TSBP1: variants seen among roughly 807,000 people sequenced by gnomAD.
The protein encoded by TSBP1 is testis-expressed basic protein 1.
A neutral mutation model predicts 68.8 loss-of-function variants in TSBP1; 56 were observed. The observed-to-expected ratio is 0.81, with a 90% CI of 0.66 to 1.02. The LOEUF (loss-of-function observed/expected upper bound fraction) is 1.02, where lower values mean the gene tolerates loss of function less well. Ranked by LOEUF, TSBP1 falls within the 50% of genes least tolerant of loss-of-function variation. The probability of loss-of-function intolerance (pLI) is 0.00; values close to 1 mark genes in which losing one functional copy is unlikely to be tolerated. For synonymous variants in TSBP1, 171 were observed against 208.7 expected (o/e 0.82, Z 1.56); for missense variants, 502 against 641.2 (o/e 0.78, Z 2.34).
chr6:32,341,441 A>AAGGG (rs1290316472), intron 9 of TSBP1, among the ~76,000 whole-genome samples: 1 of 152,190 alleles, frequency 6.6e-6, no homozygotes, highest in Non-Finnish European at 1.5e-5. Context: ...TGCTAGTTAT[A>AAGGG]AGGGATAGAG....
At chr6:32,318,584 C>T (rs192997918) in intron 18 of TSBP1, among the ~76,000 whole-genome samples, 11 of 152,268 alleles carry the variant, frequency 7.2e-5, no homozygotes, top group African/African-American at 2.4e-4. Flanking sequence ...TGAAGTACTG[C>T]TGCATATTAC....
Position 32,322,401 on chromosome 6 carries a change from T to C in TSBP1, c.559+716A>G, listed in dbSNP as rs1455810819. The C allele has an allele frequency of 1.6e-4, 159 of 970,228 alleles. 2 individuals carry two copies. In the South Asian group the frequency reaches 2.3e-3, roughly 14 times the overall value. The allele number at this position is 970,228 out of a possible 1,614,324, so 60.1% of individuals were successfully genotyped here. ...TGGGTAATGTAGAAGCAAATGAATA[T>C]GAGAAATATGAGGCACTTAGAAATA... On this transcript the variant is annotated intron_variant, in intron 18 of 22. Coordinates refer to ENST00000612031, the Ensembl canonical transcript of TSBP1.
intron 9 of TSBP1, among the ~76,000 whole-genome samples, chr6:32,341,374 G>C (rs1770328749): frequency 6.6e-6 from 1 of 152,060 alleles, no homozygotes; most frequent in African/African-American, 2.4e-5. Flanking sequence ...TCTCTGTGGG[G>C]ATCGATCACA....
Position 32,338,888 on chromosome 6 carries a change from TA to T in TSBP1, c.409+90del. 3.9e-6 allele frequency: 4 copies of T among 1,025,744 alleles called. No individual in the cohort carries two copies. The highest frequency in any genetic ancestry group is 6.2e-6 in the Non-Finnish European group (4 of 650,312). The allele number at this position is 1,025,744 out of a possible 1,614,324, so 63.5% of individuals were successfully genotyped here. On this transcript the variant is annotated intron_variant, in intron 11 of 22. Transcript: ENST00000612031. This position sits in a 1 kb window ranked among gnomAD's most constrained non-coding sequence, Gnocchi z 5.5. ...AGGAATGGACAATTTGTGAAAGAAA[TA>T]AAAAAATCTAGGAATATGAGTGTCT... is the stretch of plus-strand genomic sequence containing the variant.
chr6:32,329,856 C>T (rs1562119452), intron 16 of TSBP1, among the ~76,000 whole-genome samples: 2 of 152,154 alleles, frequency 1.3e-5, no homozygotes, highest in African/African-American at 4.8e-5. Flanking sequence ...GGGGTTGGTT[C>T]GATGCCCTAG....
Position 32,355,639 on chromosome 6 carries a change from T to A in TSBP1, c.238+10A>T, listed in dbSNP as rs755810600. On this transcript the variant is annotated intron_variant, in intron 7 of 22. Transcript: ENST00000612031. Reference sequence around the variant, plus strand: ...AGCAAATTTTTGTTAAGAAGCAAGATAATACTTACTGTAATCTCTTTTGGA... The same window carrying A: ...AGCAAATTTTTGTTAAGAAGCAAGAAAATACTTACTGTAATCTCTTTTGGA... 3.8e-6 allele frequency: 6 copies of A among 1,590,910 alleles called. No homozygotes were observed. The highest frequency in any genetic ancestry group is 1.7e-6 in the Non-Finnish European group (2 of 1,171,000).
chr6:32,330,673 CA>C, intron 15 of TSBP1, 64 bp from the exon 17 acceptor site: 4 of 1,464,690 alleles, frequency 2.7e-6, no homozygotes, highest in Non-Finnish European at 3.7e-6. Context: ...CACACACACA[CA>C]CTTCTATTTT....
chr6:32,366,217 C>A (rs1307831165), intron 5 of TSBP1, 30 bp from the exon 6 acceptor site: 1 of 1,593,816 alleles, frequency 6.3e-7, no homozygotes, highest in East Asian at 2.2e-5. Context: ...TTATAAGATT[C>A]TTAATTTCTC....
At chr6:32,327,243 GA>G (rs1467066740) in intron 16 of TSBP1, among the ~76,000 whole-genome samples, 2 of 152,216 alleles carry the variant, frequency 1.3e-5, no homozygotes. Context: ...GGCCCTATAG[GA>G]AGCCAAAGGC....
At chr6:32,358,702 A>G (rs1283375545) in intron 6 of TSBP1, among the ~76,000 whole-genome samples, 1 of 122,712 alleles carries the variant, frequency 8.1e-6, no homozygotes, top group Admixed American at 8.7e-5. Flanking sequence ...GCCGAGAATG[A>G]TGGTTTCCAG....
At chr6:32,310,761 A>ATATATATATATATATATATTTTTTTTTT in intron 19 of TSBP1, among the ~76,000 whole-genome samples, 7 of 144,802 alleles carry the variant, frequency 4.8e-5, no homozygotes, top group South Asian at 4.4e-4. Flanking sequence ...ATATATATAT[A>ATATATATATATATATATATTTTTTTTTT]TTTTTAATCT....
At chr6:32,307,956 G>A (rs1345934998) in intron 19 of TSBP1, among the ~76,000 whole-genome samples, 3 of 151,822 alleles carry the variant, frequency 2.0e-5, no homozygotes, top group East Asian at 1.9e-4. Flanking sequence ...TGTATTTTTA[G>A]TAGAGACAGG....
chr6:32,294,147 T>A, intron 22 of TSBP1, 112 bp from the exon 26 acceptor site: 1 of 1,284,892 alleles, frequency 7.8e-7, no homozygotes, highest in South Asian at 1.2e-5. Context: ...CAAACTAAAA[T>A]TTTTCTGAAT....
exon 23 of TSBP1, chr6:32,293,694 C>T (rs748076073): frequency 3.1e-6 from 5 of 1,613,046 alleles, no homozygotes; most frequent in Non-Finnish European, 4.2e-6. Flanking sequence ...ACATCTGACA[C>T]ACTTTTCTTT....
Position 32,366,314 on chromosome 6 carries a change from G to A in TSBP1, c.167-12C>T, listed in dbSNP as rs769576429. 1 of 1,597,266 alleles carries A rather than the reference G, an allele frequency of 6.3e-7. No individual in the cohort carries two copies. Among genetic ancestry groups the A allele is most frequent in the Non-Finnish European group, 8.5e-7 (1 of 1,170,566 alleles). On this transcript the variant is annotated splice_polypyrimidine_tract_variant and intron_variant, in intron 4 of 22. Transcript: ENST00000612031. ...TGCATGTCGGGATCCTAAAAGAGAAGATAAAAACATAATGAGATTTTACTT... is the reference window on the plus strand; with the variant it reads ...TGCATGTCGGGATCCTAAAAGAGAAAATAAAAACATAATGAGATTTTACTT...
intron 3 of TSBP1, 139 bp downstream of exon 3, chr6:32,368,643 T>A (rs1460444417): frequency 1.1e-6 from 1 of 870,790 alleles, no homozygotes; most frequent in Non-Finnish European, 1.7e-6. Context: ...TCCCACTCAC[T>A]TAGAAGCAGT....
intron 18 of TSBP1, among the ~76,000 whole-genome samples, chr6:32,319,829 A>G (rs981223807): frequency 1.3e-5 from 2 of 151,958 alleles, no homozygotes; most frequent in African/African-American, 2.4e-5. Context: ...GCTCATGGCT[A>G]TATTTTCAGT....
At chr6:32,346,515 C>T (rs1460668135) in intron 9 of TSBP1, among the ~76,000 whole-genome samples, 1 of 152,144 alleles carries the variant, frequency 6.6e-6, no homozygotes, top group Non-Finnish European at 1.5e-5. Context: ...TCTTCACCGT[C>T]TTGCTTTAAT....
intron 9 of TSBP1, among the ~76,000 whole-genome samples, chr6:32,342,171 T>C (rs564647371): frequency 7.2e-4 from 104 of 144,410 alleles, no homozygotes; most frequent in African/African-American, 2.5e-3. Context: ...TCTCTGTTCT[T>C]TTTTTTTTTT....
Sources: allele counts gnomAD v4.1 joint callset (sites outside exome capture counted in the v4.1 genomes callset), GRCh38; gene constraint gnomAD v4.1.1; non-coding constraint Gnocchi (gnomAD v3.1); transcripts MANE v1.5; gene names NCBI Gene and HGNC (gene_info 2026-07-23, HGNC 2026-07-21).